ARHGEF4: variants seen among roughly 807,000 people sequenced by gnomAD.
ARHGEF4 encodes the protein Rho guanine nucleotide exchange factor 4, also known as APC-stimulated guanine nucleotide exchange factor 1.
In ARHGEF4, 119 loss-of-function variants were observed where a neutral mutation model predicts 162.0. The observed-to-expected ratio is 0.73, with a 90% CI of 0.63 to 0.86. ARHGEF4 has a LOEUF of 0.86. Ranked by LOEUF, ARHGEF4 falls within the 40% of genes least tolerant of loss-of-function variation. The probability of loss-of-function intolerance (pLI) is 0.00; values close to 1 mark genes in which losing one functional copy is unlikely to be tolerated. For missense variants in ARHGEF4, 2,488 were observed against 2,456.0 expected, an observed-to-expected ratio of 1.01 and a Z score of -0.28; for synonymous variants, 1,014 against 979.9, an observed-to-expected ratio of 1.03 and a Z score of -0.65.
In ARHGEF4 at chr2:130,860,474, C is replaced by T. The variant is rs1451401683; in HGVS notation, c.39+23482C>T. Among the ~76,000 whole-genome samples, 30 of 78,898 alleles carry T rather than the reference C, an allele frequency of 3.8e-4. 3 individuals carry two copies. The highest frequency in any genetic ancestry group is 6.3e-4 in the Admixed American group (4 of 6,324). The allele number at this position is 78,898 out of a possible 152,430, so 51.8% of individuals were successfully genotyped here. A position where few individuals can be genotyped will look rare whatever the true frequency, so the allele number is the denominator to read the frequency against. The stretch of plus-strand genomic sequence containing the variant: ...CTGTAATCCCAGCACTTTGGGAGGC[C>T]GAGGCAGGCAGATCACGAGGTCAGG... On this transcript the variant is annotated intron_variant, in intron 1 of 13. Coordinates refer to ENST00000409359, the MANE Select transcript of ARHGEF4 (RefSeq NM_001367493.1).
chr2:131,033,787 A>G (rs1690032322), intron 5 of ARHGEF4, among the ~76,000 whole-genome samples: 1 of 152,148 alleles, frequency 6.6e-6, no homozygotes, highest in African/African-American at 2.4e-5. Context: ...GAACCTTCAG[A>G]TGTGAGGGAG....
intron 4 of ARHGEF4, among the ~76,000 whole-genome samples, chr2:130,982,944 G>A (rs1686231047): frequency 6.6e-6 from 1 of 152,040 alleles, no homozygotes; most frequent in Non-Finnish European, 1.5e-5. Context: ...AAATTTTAGT[G>A]AAACCCTAAA....
intron 1 of ARHGEF4, among the ~76,000 whole-genome samples, chr2:130,900,632 G>A (rs1680431908): frequency 6.6e-6 from 1 of 151,996 alleles, no homozygotes; most frequent in African/African-American, 2.4e-5. Context: ...CAGTTTTCTG[G>A]TGGCTGCTTC....
At chr2:130,863,928 T>C (rs1682069711) in intron 1 of ARHGEF4, among the ~76,000 whole-genome samples, 1 of 127,782 alleles carries the variant, frequency 7.8e-6, no homozygotes, top group Non-Finnish European at 1.6e-5. Flanking sequence ...CTCACGCCTG[T>C]AATCCCAGCA....
At chr2:130,965,603 A>C (rs1684950161) in intron 4 of ARHGEF4, among the ~76,000 whole-genome samples, 1 of 152,204 alleles carries the variant, frequency 6.6e-6, no homozygotes, top group Non-Finnish European at 1.5e-5. Context: ...AAACTGGCAG[A>C]GGACTCCTGC....
chr2:131,041,965 A>C, intron 10 of ARHGEF4, 21 bp downstream of exon 10: 1 of 1,607,900 alleles, frequency 6.2e-7, no homozygotes, highest in Non-Finnish European at 8.5e-7. Flanking sequence ...GGGGGCACAG[A>C]AAATTCCAGG....
At chr2:130,871,584 T>C in intron 1 of ARHGEF4, among the ~76,000 whole-genome samples, 1 of 129,550 alleles carries the variant, frequency 7.7e-6, no homozygotes, top group Non-Finnish European at 1.5e-5. Context: ...TATACATACA[T>C]ATATATATGC....
intron 2 of ARHGEF4, among the ~76,000 whole-genome samples, chr2:130,925,279 A>T (rs6711732): frequency 0.02 from 3,057 of 152,168 alleles, 95 homozygotes; most frequent in African/African-American, 0.069. Flanking sequence ...GTACTGGGGG[A>T]GGGAAAATTA....
intron 4 of ARHGEF4, among the ~76,000 whole-genome samples, chr2:130,966,619 G>GCT (rs1685021038): frequency 6.6e-6 from 1 of 152,208 alleles, no homozygotes; most frequent in South Asian, 2.1e-4. Flanking sequence ...ACGTGATGAG[G>GCT]CTCTTTGCTG....
intron 1 of ARHGEF4, among the ~76,000 whole-genome samples, chr2:130,864,243 A>T (rs1288324642): frequency 6.6e-6 from 1 of 152,180 alleles, no homozygotes; most frequent in East Asian, 1.9e-4. Flanking sequence ...ATTCAGCAAC[A>T]TAGATGAATC....
intron 4 of ARHGEF4, among the ~76,000 whole-genome samples, chr2:130,990,682 C>T (rs902218720): frequency 1.3e-5 from 2 of 152,008 alleles, no homozygotes; most frequent in Non-Finnish European, 2.9e-5. Context: ...GGAGATTCAG[C>T]CTGGGAAACA....
chr2:130,853,103 A>G (rs141205012), intron 1 of ARHGEF4, among the ~76,000 whole-genome samples: 1 of 152,260 alleles, frequency 6.6e-6, no homozygotes, highest in African/African-American at 2.4e-5. Flanking sequence ...TGTTTCTCAA[A>G]TGTCCTGCTT....
At chr2:131,035,372 C>A in intron 5 of ARHGEF4, 3 of 986,124 alleles carry the variant, frequency 3.0e-6, no homozygotes, top group Non-Finnish European at 3.8e-6. Context: ...CCTTCCACCC[C>A]ATGTGCTCAC....
At chr2:130,884,316 A>C (rs1334375268) in intron 1 of ARHGEF4, among the ~76,000 whole-genome samples, 1 of 152,142 alleles carries the variant, frequency 6.6e-6, no homozygotes, top group East Asian at 1.9e-4. Flanking sequence ...ACACACACAC[A>C]CACCCACACT....
At chr2:130,840,147 GCACA>G (rs150947100) in intron 1 of ARHGEF4, among the ~76,000 whole-genome samples, 3 of 151,468 alleles carry the variant, frequency 2.0e-5, no homozygotes, top group Non-Finnish European at 2.9e-5. Context: ...ATACATATGG[GCACA>G]CACACACACA....
chr2:130,996,318 G>A (rs545324430), intron 4 of ARHGEF4, among the ~76,000 whole-genome samples: 13 of 152,254 alleles, frequency 8.5e-5, no homozygotes, highest in East Asian at 3.9e-4. Flanking sequence ...GCTGTTCTTC[G>A]CATTTTAGTA....
At chr2:131,024,160 C>G (rs1185178520) in intron 4 of ARHGEF4, among the ~76,000 whole-genome samples, 3 of 152,184 alleles carry the variant, frequency 2.0e-5, no homozygotes, top group Admixed American at 1.3e-4. Context: ...GAAAGCTAGA[C>G]CATTGACGGA....
At position 131,023,817 on chromosome 2, in the gene ARHGEF4, T is replaced by C. The variant is rs370439047; in HGVS notation, c.3986-4128T>C. Among the ~76,000 whole-genome samples the C allele has an allele frequency of 4.5e-4, 69 of 152,356 alleles. 3 individuals are homozygous for C. In the South Asian group the frequency reaches 0.014, roughly 32 times the overall value. ...ACAAACCCCTGCTGGTGAATTATCA[T>C]AGCAGCTGTATTCATAATAGGAATA... On this transcript the variant is annotated intron_variant, in intron 4 of 13. Transcript: ENST00000409359.
chr2:130,903,767 G>A (rs755360144), intron 1 of ARHGEF4, among the ~76,000 whole-genome samples: 2 of 152,214 alleles, frequency 1.3e-5, no homozygotes, highest in Non-Finnish European at 2.9e-5. Flanking sequence ...TTACAAGTGA[G>A]AACATGGAAT....
Sources: gnomAD v4.1 joint callset for allele counts (sites outside exome capture counted in the v4.1 genomes callset) on GRCh38, gnomAD v4.1.1 for gene constraint, MANE v1.5 for transcripts, NCBI Gene and HGNC (gene_info 2026-07-23, HGNC 2026-07-21) for gene names.